The following UTRN variants were observed in gnomAD, a reference collection of about 807,000 sequenced individuals.
The protein encoded by UTRN is utrophin, also known as dystrophin-related protein 1.
UTRN carries 283 observed loss-of-function variants against 463.9 expected under a neutral mutation model. The observed-to-expected ratio is 0.61, with a 90% CI of 0.55 to 0.67. The LOEUF (loss-of-function observed/expected upper bound fraction) is 0.67. Among genes scored for constraint, UTRN ranks in the 30% least tolerant of loss-of-function variants. The pLI is 0.00. For synonymous variants in UTRN, 1,442 were observed against 1,431.5 expected (o/e 1.01, Z -0.17); for missense variants, 3,922 against 4,084.3 (o/e 0.96, Z 1.08).
chr6:144,484,760 A>G (rs1031259922), intron 27 of UTRN, among the ~76,000 whole-genome samples: 35 of 151,984 alleles, frequency 2.3e-4, no homozygotes, highest in Non-Finnish European at 1.6e-4. Context: ...AACAAACTAA[A>G]TAATGTTTCT....
chr6:144,305,827 G>T (rs1480326228), intron 2 of UTRN, among the ~76,000 whole-genome samples: 3 of 152,238 alleles, frequency 2.0e-5, no homozygotes, highest in Non-Finnish European at 4.4e-5. Context: ...GTTCCTGGAC[G>T]GATGCTCAGC....
At chr6:144,803,367 G>A (rs909795939) in intron 65 of UTRN, among the ~76,000 whole-genome samples, 1 of 151,300 alleles carries the variant, frequency 6.6e-6, no homozygotes, top group African/African-American at 2.4e-5. Context: ...TTTTTTGGTA[G>A]CAAATTCTTT....
At chr6:144,577,820 A>T (rs929800578) in intron 51 of UTRN, among the ~76,000 whole-genome samples, 1 of 152,218 alleles carries the variant, frequency 6.6e-6, no homozygotes, top group African/African-American at 2.4e-5. Context: ...TTTCATTTAT[A>T]AACATTATAA....
chr6:144,426,249 A>C, intron 6 of UTRN, 38 bp from the exon 7 acceptor site: 1 of 1,569,134 alleles, frequency 6.4e-7, no homozygotes, highest in African/African-American at 1.4e-5. Flanking sequence ...AAATTACTGA[A>C]GTATTAGTTA....
chr6:144,843,335 G>C (rs1781753896), intron 73 of UTRN, among the ~76,000 whole-genome samples: 1 of 151,758 alleles, frequency 6.6e-6, no homozygotes, highest in Non-Finnish European at 1.5e-5. Context: ...CTAAAAATGT[G>C]GGATTTTTTC....
chr6:144,552,972 C>G (rs1456318569), intron 48 of UTRN, among the ~76,000 whole-genome samples: 1 of 152,160 alleles, frequency 6.6e-6, no homozygotes, highest in Non-Finnish European at 1.5e-5. Context: ...AACAGATTGT[C>G]TCATTGAGCA....
chr6:144,385,192 G>A (rs562311591), intron 2 of UTRN, among the ~76,000 whole-genome samples: 2 of 152,242 alleles, frequency 1.3e-5, no homozygotes, highest in East Asian at 3.9e-4. Context: ...GCTAGGTTTT[G>A]GGGTGTCCTT....
intron 51 of UTRN, among the ~76,000 whole-genome samples, chr6:144,584,884 TTA>T (rs1246161707): frequency 2.6e-5 from 4 of 152,006 alleles, no homozygotes; most frequent in Admixed American, 6.5e-5. Flanking sequence ...GGTAAAACAT[TTA>T]TGTTTTTCAT....
At chr6:144,732,283 C>CATATAT (rs1256852716) in intron 54 of UTRN, among the ~76,000 whole-genome samples, 7 of 123,820 alleles carry the variant, frequency 5.7e-5, no homozygotes, top group African/African-American at 2.4e-4. Context: ...TATATACACA[C>CATATAT]ATATATATAT....
chr6:144,555,776 A>G (rs1050485686), intron 49 of UTRN, among the ~76,000 whole-genome samples: 3 of 152,194 alleles, frequency 2.0e-5, no homozygotes, highest in African/African-American at 7.2e-5. Flanking sequence ...CCCATGATCC[A>G]GTCACCTCCC....
intron 53 of UTRN, among the ~76,000 whole-genome samples, chr6:144,703,456 G>A (rs1784787694): frequency 1.3e-5 from 2 of 152,124 alleles, no homozygotes; most frequent in Admixed American, 6.6e-5. Flanking sequence ...ATCACCTATA[G>A]GGAGAGATTG....
Position 144,444,165 on chromosome 6 carries a change from T to C in UTRN, c.1513-116T>C, listed in dbSNP as rs190731718. The stretch of plus-strand genomic sequence containing the variant: ...TTTAAAGCAATTTTTATAAAAATAC[T>C]TTTTATAAGTTGTTATTCTATAATA... On this transcript the variant is annotated intron_variant, in intron 13 of 74. Transcript: ENST00000367545. 1,724 of 811,400 alleles carry C rather than the reference T, an allele frequency of 2.1e-3. 7 individuals carry two copies. The highest frequency in any genetic ancestry group is 2.9e-3 in the Non-Finnish European group (1,575 of 546,942). The allele number at this position is 811,400 out of a possible 1,614,324, so 50.3% of individuals were successfully genotyped here.
chr6:144,840,979 A>C, intron 73 of UTRN, 147 bp downstream of exon 73: 1 of 859,300 alleles, frequency 1.2e-6, no homozygotes, highest in South Asian at 1.9e-5. Context: ...GGCAAACATT[A>C]TATAAGAAAA....
At chr6:144,772,185 C>T (rs946860482) in intron 59 of UTRN, among the ~76,000 whole-genome samples, 28 of 151,470 alleles carry the variant, frequency 1.8e-4, no homozygotes, top group African/African-American at 9.7e-5. Flanking sequence ...AGGCGCCCGC[C>T]GCCACTCCCA....
chr6:144,516,416 G>T, intron 38 of UTRN, 29 bp downstream of exon 38: 1 of 1,590,428 alleles, frequency 6.3e-7, no homozygotes, highest in South Asian at 1.1e-5. Context: ...CAAAACCATG[G>T]TGGTCTCATT....
In UTRN at chr6:144,783,110, C is replaced by A. The variant is rs140137183; in HGVS notation, c.8834+987C>A. Among the ~76,000 whole-genome samples the A allele has an allele frequency of 5.9e-3, 892 of 151,846 alleles. 6 individuals carry two copies. Among genetic ancestry groups the A allele is most frequent in the African/African-American group, 0.019 (772 of 41,392 alleles). ...ACTTGGGAGGCTGAGGCAGGAGAATCTCTTGAACTCAGGAGGCAAAGGTTG... is the reference window on the plus strand; with the variant it reads ...ACTTGGGAGGCTGAGGCAGGAGAATATCTTGAACTCAGGAGGCAAAGGTTG... On this transcript the variant is annotated intron_variant, in intron 61 of 74. Coordinates refer to ENST00000367545, the MANE Select transcript of UTRN (RefSeq NM_007124.3).
chr6:144,744,334 G>A (rs1348413691), intron 54 of UTRN, among the ~76,000 whole-genome samples: 4 of 112,156 alleles, frequency 3.6e-5, no homozygotes, highest in African/African-American at 8.7e-5. Context: ...GTGTGTGTGT[G>A]TGTGTGTGTG....
intron 54 of UTRN, among the ~76,000 whole-genome samples, chr6:144,732,233 T>TATACAC (rs1421906988): frequency 7.0e-4 from 21 of 29,926 alleles, no homozygotes; most frequent in African/African-American, 2.4e-3. Flanking sequence ...TATATATATA[T>TATACAC]ATATACATAT....
chr6:144,552,431 T>C (rs1799006265), intron 48 of UTRN, among the ~76,000 whole-genome samples: 1 of 152,212 alleles, frequency 6.6e-6, no homozygotes, highest in African/African-American at 2.4e-5. Flanking sequence ...ACCAAACTAT[T>C]GACAAGCCAT....
Sources: allele counts gnomAD v4.1 joint callset (sites outside exome capture counted in the v4.1 genomes callset), GRCh38; gene constraint gnomAD v4.1.1; transcripts MANE v1.5; gene names NCBI Gene and HGNC (gene_info 2026-07-23, HGNC 2026-07-21).